The following SH3D21 variants were observed in gnomAD, a reference collection of about 807,000 sequenced individuals.
The protein encoded by SH3D21 is manchette microtubule inner protein 1.
Under a neutral mutation model 82.1 loss-of-function variants are expected in SH3D21, and 83 were observed. The observed-to-expected ratio is 1.01, with a 90% CI of 0.85 to 1.21. The LOEUF is 1.21. Among genes scored for constraint, SH3D21 ranks in the 50% most tolerant of loss-of-function variants. The pLI is 0.00. For synonymous variants in SH3D21, 383 were observed against 387.8 expected (o/e 0.99, Z 0.15); for missense variants, 980 against 962.1 (o/e 1.02, Z -0.25).
At chr1:36,322,088 A>G, downstream of SH3D21, 1 of 1,349,900 alleles carries the variant, frequency 7.4e-7, no homozygotes, top group Non-Finnish European at 9.5e-7. Context: ...GACCCCAGAG[A>G]GGGAGTGGGG....
Position 36,320,500 on chromosome 1 carries a change from A to G in SH3D21, c.1837A>G (p.Arg613Gly), listed in dbSNP as rs1207583686. 1 of 1,613,638 alleles carries G rather than the reference A, an allele frequency of 6.2e-7. No homozygotes were observed. Among genetic ancestry groups the G allele is most frequent in the Non-Finnish European group, 8.5e-7 (1 of 1,180,014 alleles). Reference sequence around the variant, plus strand: ...GCCCCCCAACGAGCAGAGGCCTCTGAGAGAGGAGGTGCTCCCCAAAGAGGG... The same window carrying G: ...GCCCCCCAACGAGCAGAGGCCTCTGGGAGAGGAGGTGCTCCCCAAAGAGGG... ...EAPPNEQRPL[R>G]EEVLPKEGVA... The change falls in exon 14 of 16, where the codon AGA becomes GGA. Residue 613 changes from arginine to glycine, a missense_variant. Physicochemically the swap from Arg to Gly is moderately radical, Grantham distance 125. Transcript: ENST00000453908.
downstream of SH3D21, among the ~76,000 whole-genome samples, chr1:36,325,150 T>C (rs553647688): frequency 6.6e-6 from 1 of 151,896 alleles, no homozygotes; most frequent in South Asian, 2.1e-4. Context: ...GAGCCTCCCA[T>C]CTCATTCTCC....
At chr1:36,308,582 T>G in intron 9 of SH3D21, 107 bp downstream of exon 9, 1 of 851,722 alleles carries the variant, frequency 1.2e-6, no homozygotes, top group Non-Finnish European at 1.9e-6. Context: ...TAAATGAGGG[T>G]GGACCTAGAC....
At chr1:36,323,302 G>T (rs1557491850), downstream of SH3D21, among the ~76,000 whole-genome samples, 1 of 151,970 alleles carries the variant, frequency 6.6e-6, no homozygotes, top group Non-Finnish European at 1.5e-5. Flanking sequence ...CCCTGGTGAG[G>T]TCCCCAGCTG....
rs1474953637 is a variant in SH3D21, at chr1:36,308,199, T to C, written c.629T>C (p.Val210Ala). 1 of 1,539,736 alleles carries C rather than the reference T, an allele frequency of 6.5e-7. No individual in the cohort carries two copies. The highest frequency in any genetic ancestry group is 8.8e-7 in the Non-Finnish European group (1 of 1,141,080). ...LALRRGDVVKVLSKTTEDKGW... is the reference protein window; with the variant it reads ...LALRRGDVVKALSKTTEDKGW... ...CTGCGGAGGGGGGACGTGGTAAAAG[T>C]ACTCAGCAAGGTGTGAGACGAACAG... Residue 210 changes from valine (V) to alanine (A), a missense_variant, in exon 8 of 16, where the codon GTA becomes GCA. Val to Ala is a moderately conservative substitution (Grantham distance 64). Coordinates refer to ENST00000453908, the MANE Select transcript of SH3D21 (RefSeq NM_001162530.2).
intron 10 of SH3D21, among the ~76,000 whole-genome samples, chr1:36,312,269 C>T (rs761702961): frequency 6.0e-5 from 9 of 150,240 alleles, no homozygotes; most frequent in Admixed American, 4.0e-4. Flanking sequence ...ATGATCCGTC[C>T]GCCTTGGCCT....
Position 36,319,779 on chromosome 1 carries a change from C to T in SH3D21, c.1116C>T (p.Pro372=). 1 of 1,613,502 alleles carries T rather than the reference C, an allele frequency of 6.2e-7. No individual in the cohort carries two copies. Residue 372 remains proline, a synonymous_variant, in exon 14 of 16, where the codon CCC becomes CCT. Coordinates refer to ENST00000453908, the MANE Select transcript of SH3D21 (RefSeq NM_001162530.2). ...PERPPAPENA[P]SSKKIPAPDK... Reference sequence around the variant, plus strand: ...GGCCCCCAGCTCCAGAGAACGCCCCCAGCTCCAAGAAGATCCCGGCTCCTG... The same window carrying T: ...GGCCCCCAGCTCCAGAGAACGCCCCTAGCTCCAAGAAGATCCCGGCTCCTG...
chr1:36,318,409 T>C (rs1470198564), intron 10 of SH3D21, among the ~76,000 whole-genome samples: 1 of 152,108 alleles, frequency 6.6e-6, no homozygotes, highest in Admixed American at 6.6e-5. Flanking sequence ...CATTGACTTA[T>C]TGATGAAAAT....
chr1:36,312,822 T>C (rs1277257369), intron 10 of SH3D21, among the ~76,000 whole-genome samples: 1 of 152,124 alleles, frequency 6.6e-6, no homozygotes, highest in East Asian at 1.9e-4. Flanking sequence ...GCAATTCTCC[T>C]GCTGCAGCCT....
At position 36,319,999 on chromosome 1, in the gene SH3D21, A is replaced by G; in HGVS notation, c.1336A>G (p.Thr446Ala). 1 of 1,613,502 alleles carries G rather than the reference A, an allele frequency of 6.2e-7. No individual in the cohort carries two copies. Among genetic ancestry groups the G allele is most frequent in the Non-Finnish European group, 8.5e-7 (1 of 1,179,856 alleles). The change falls in exon 14 of 16, where the codon ACT (threonine) becomes GCT (alanine). Residue 446 changes from threonine to alanine, a missense_variant. Transcript: ENST00000453908. ...GACCCTGACTGTGGACAAACCCTCC[A>G]CTCCAGAGAGGGTCTTTTCAGTGGA... is the stretch of plus-strand genomic sequence containing the variant. ...EETLTVDKPS[T>A]PERVFSVEES...
chr1:36,308,953 A>C (rs1337240044), intron 9 of SH3D21, among the ~76,000 whole-genome samples: 1 of 152,010 alleles, frequency 6.6e-6, no homozygotes, highest in East Asian at 1.9e-4. Flanking sequence ...CTCTATCTCA[A>C]AAAGAAAAAA....
downstream of SH3D21, chr1:36,321,886 G>C (rs1646470024): frequency 1.9e-6 from 2 of 1,048,608 alleles, no homozygotes; most frequent in African/African-American, 3.4e-5. This position sits in a 1 kb window ranked among gnomAD's most constrained non-coding sequence, Gnocchi z 6.1. Context: ...AGTGAATGCG[G>C]GCAGGTGTGC....
intron 10 of SH3D21, among the ~76,000 whole-genome samples, chr1:36,313,317 C>T (rs560222119): frequency 4.9e-5 from 3 of 60,882 alleles, no homozygotes; most frequent in African/African-American, 1.8e-4. Flanking sequence ...CAGAGTGAGA[C>T]TCTGTCTCAC....
Position 36,320,581 on chromosome 1 carries a change from G to A in SH3D21, c.1918G>A (p.Val640Met). Residue 640 changes from valine (V) to methionine (M), a missense_variant, in exon 14 of 16, where the codon GTG (valine) becomes ATG (methionine). Transcript: ENST00000453908. ...LKEELPPKEE[V>M]APKEEVPPIE... The stretch of plus-strand genomic sequence containing the variant: ...AGAGGAATTGCCCCCTAAAGAGGAA[G>A]TGGCTCCAAAAGAGGAGGTGCCCCC... 2 of 1,614,174 alleles carry A rather than the reference G, an allele frequency of 1.2e-6. No individual in the cohort carries two copies. The highest frequency in any genetic ancestry group is 1.3e-5 in the African/African-American group (1 of 75,034).
At chr1:36,326,752 G>T (rs545176864), downstream of SH3D21, among the ~76,000 whole-genome samples, 2 of 152,322 alleles carry the variant, frequency 1.3e-5, no homozygotes, top group South Asian at 2.1e-4. Flanking sequence ...TCAGACTCAG[G>T]TGGTGTTCTG....
At chr1:36,328,190 G>A (rs944529489), downstream of SH3D21, 1 of 453,072 alleles carries the variant, frequency 2.2e-6, no homozygotes. Flanking sequence ...ATGGAAGGTT[G>A]GGGGGCCGAG....
intron 10 of SH3D21, among the ~76,000 whole-genome samples, chr1:36,313,692 G>C (rs1050249328): frequency 2.0e-5 from 3 of 151,760 alleles, no homozygotes; most frequent in Non-Finnish European, 4.4e-5. Flanking sequence ...AGCCTCCCGA[G>C]TAGCTAGGAC....
downstream of SH3D21, among the ~76,000 whole-genome samples, chr1:36,326,686 T>C (rs1278528751): frequency 2.0e-5 from 3 of 151,694 alleles, no homozygotes; most frequent in East Asian, 5.8e-4. Flanking sequence ...GGGTGGTGAG[T>C]AGGCTGGCAG....
chr1:36,307,382 G>C lies in SH3D21; in HGVS notation c.345+97G>C. On this transcript the variant is annotated intron_variant, in intron 4 of 15. Transcript: ENST00000453908. This position sits in a 1 kb window ranked among gnomAD's most constrained non-coding sequence, Gnocchi z 5.4. ...AGTGAGGGTGTGGACGGTGGGAATG[G>C]CGACGGTGCAGATACGGGGAAGCGC... The C allele has an allele frequency of 5.3e-6, 8 of 1,520,680 alleles. No homozygotes were observed. The highest frequency in any genetic ancestry group is 7.1e-6 in the Non-Finnish European group (8 of 1,123,322). The allele number at this position is 1,520,680 out of a possible 1,614,324, so 94.2% of individuals were successfully genotyped here.
Sources: gnomAD v4.1 joint callset for allele counts (sites outside exome capture counted in the v4.1 genomes callset) on GRCh38, gnomAD v4.1.1 for gene constraint, Gnocchi (gnomAD v3.1) non-coding constraint, MANE v1.5 for transcripts, NCBI Gene and HGNC (gene_info 2026-07-23, HGNC 2026-07-21) for gene names.